Variants in PRCD observed in about 807,000 individuals in gnomAD.
The protein encoded by PRCD is photoreceptor disc component.
A neutral mutation model predicts 10.1 loss-of-function variants in PRCD; 12 were observed. That is an observed-to-expected ratio of 1.18 (90% CI 0.76 to 1.92). The LOEUF (loss-of-function observed/expected upper bound fraction) is 1.92. Among genes scored for constraint, PRCD ranks in the 40% most tolerant of loss-of-function variants. The pLI is 0.00. For missense variants in PRCD, 61 were observed against 72.2 expected (o/e 0.84, Z 0.56); for synonymous variants, 31 against 26.2 (o/e 1.18, Z -0.56).
rs189599263 is a variant in PRCD, at chr17:76,544,888, G to A, written c.*1238G>A. 4.1e-3 allele frequency: 1,894 copies of A among 456,766 alleles called. 53 individuals carry two copies. The Admixed American group carries it at 0.043, about 10-fold the overall frequency. The allele number at this position is 456,766 out of a possible 1,614,324, so 28.3% of individuals were successfully genotyped here. On this transcript the variant is annotated 3_prime_UTR_variant, in exon 5 of 5. Transcript: ENST00000592014. ...CCCAGACGCACTTCCCCAGGGCAGCGCCCCTCCACGCCACTGTTCCGAGAA... is the reference window on the plus strand; with the variant it reads ...CCCAGACGCACTTCCCCAGGGCAGCACCCCTCCACGCCACTGTTCCGAGAA...
chr17:76,550,819 A>C (rs760723727), intron 1 of PRCD: 1 of 152,238 alleles, frequency 6.6e-6, no homozygotes, highest in Non-Finnish European at 1.5e-5. Flanking sequence ...GAGTGTTCAA[A>C]GTATGTTGAA....
chr17:76,534,683 A>C (rs1045137755), intron 1 of PRCD, among the ~76,000 whole-genome samples: 3 of 152,198 alleles, frequency 2.0e-5, no homozygotes, highest in African/African-American at 4.8e-5. Flanking sequence ...TGGCAGTGCC[A>C]GGAAGGGGCC....
At chr17:76,537,603 G>T, upstream of PRCD, 1 of 1,048,504 alleles carries the variant, frequency 9.5e-7, no homozygotes, top group Non-Finnish European at 1.1e-6. Flanking sequence ...CGCGGGGCGC[G>T]GGGCGCGGGG....
downstream of PRCD, among the ~76,000 whole-genome samples, chr17:76,548,454 C>T (rs768130343): frequency 4.6e-5 from 7 of 152,218 alleles, no homozygotes; most frequent in Non-Finnish European, 8.8e-5. Context: ...GAGTGACACT[C>T]GAGGAGAGAC....
chr17:76,537,377 C>CGGCCG, upstream of PRCD: 1 of 1,574,052 alleles, frequency 6.4e-7, no homozygotes, highest in Non-Finnish European at 8.6e-7. Flanking sequence ...GCCCAGGGCC[C>CGGCCG]GGCCGGGCCG....
exon 2 of PRCD, chr17:76,553,560 C>T (rs1351926298): frequency 6.6e-6 from 1 of 152,196 alleles, no homozygotes; most frequent in East Asian, 1.9e-4. Context: ...TTAAAGATTG[C>T]TTTCTGGGTA....
chr17:76,537,448 G>A, upstream of PRCD: 1 of 1,598,372 alleles, frequency 6.3e-7, no homozygotes, highest in South Asian at 1.1e-5. Flanking sequence ...ATAGAGCCGG[G>A]CCCACATAGC....
At chr17:76,535,886 A>T (rs552164849), upstream of PRCD, among the ~76,000 whole-genome samples, 127 of 152,340 alleles carry the variant, frequency 8.3e-4, no homozygotes, top group East Asian at 1.5e-3. Flanking sequence ...CAAAACCTCC[A>T]AGGTCCTGAG....
rs1369024343 is a variant in PRCD at position 76,528,553 on chromosome 17, A to G, written n.45+720A>G. 2 of 1,218,814 alleles carry G rather than the reference A, an allele frequency of 1.6e-6. No individual in the cohort carries two copies. Among genetic ancestry groups the G allele is most frequent in the South Asian group, 3.0e-5 (1 of 33,452 alleles). 75.5% of individuals were successfully genotyped at this position (1,218,814 alleles called of 1,614,324 possible). The stretch of plus-strand genomic sequence containing the variant: ...TCGGCCTTCTGCTCGAGGTGCTGCC[A>G]GGGAGGGGGGTGGAGTTAGGGGTCC... On this transcript the variant is annotated intron_variant and non_coding_transcript_variant, in intron 1 of 4. Coordinates refer to the PRCD transcript ENST00000397633. This position sits in a 1 kb window ranked among gnomAD's most constrained non-coding sequence, Gnocchi z 5.8.
chr17:76,540,506 G>C lies in PRCD; in HGVS notation c.76G>C (p.Glu26Gln). 1 of 1,613,646 alleles carries C rather than the reference G, an allele frequency of 6.2e-7. No individual in the cohort carries two copies. The highest frequency in any genetic ancestry group is 8.5e-7 in the Non-Finnish European group (1 of 1,179,898). The change falls in exon 2 of 5, where the codon GAG becomes CAG. Residue 26 changes from glutamate to glutamine, a missense_variant and splice_region_variant. By Grantham distance (29) the Glu-to-Gln change is conservative. Coordinates refer to ENST00000592014, the MANE Select transcript of PRCD (RefSeq NM_001077620.3). The surrounding 1 kb of genome is among the most constrained non-coding windows in gnomAD (Gnocchi z 5.0). The stretch of plus-strand genomic sequence containing the variant: ...CCTCCCTACTCTTGCCTCCCACAGA[G>C]AGCCCAGCGACGTGGATGGGGCAGC... The part of the protein sequence containing the change: ...RRRFANRVQP[E>Q]PSDVDGAARG...
chr17:76,553,285 G>C (rs1390329969), exon 2 of PRCD: 1 of 152,200 alleles, frequency 6.6e-6, no homozygotes, highest in East Asian at 1.9e-4. Context: ...ACAATTTCCA[G>C]CAAAGGGAAT....
chr17:76,536,263 T>C (rs1424131721), upstream of PRCD, among the ~76,000 whole-genome samples: 1 of 152,170 alleles, frequency 6.6e-6, no homozygotes, highest in Non-Finnish European at 1.5e-5. Context: ...GGGCATATCA[T>C]GGTGGAGCTG....
At chr17:76,542,301 C>G (rs1195656782) in intron 2 of PRCD, among the ~76,000 whole-genome samples, 2 of 152,160 alleles carry the variant, frequency 1.3e-5, no homozygotes, top group Non-Finnish European at 2.9e-5. Flanking sequence ...TCCTTGGGAC[C>G]CAGTTAACTG....
rs768646733 is a variant in PRCD, at chr17:76,530,999, C to A, written n.45+3166C>A. ...CTCACGTGGTGGCGTTGGGGACCTG[C>A]TGCACCCAGCCCACTTCCTTGTAGG... On this transcript the variant is annotated intron_variant and non_coding_transcript_variant, in intron 1 of 4. Coordinates refer to the PRCD transcript ENST00000397633. This position sits in a 1 kb window ranked among gnomAD's most constrained non-coding sequence, Gnocchi z 6.1. 2.5e-6 allele frequency: 4 copies of A among 1,610,450 alleles called. No homozygotes were observed. In the South Asian group the frequency reaches 4.4e-5, roughly 18 times the overall value.
Position 76,544,124 on chromosome 17 carries a change from C to T in PRCD, c.*474C>T, listed in dbSNP as rs759089778. The stretch of plus-strand genomic sequence containing the variant: ...AGATAAAAGCAGATTTCCGCTTCTG[C>T]TCCCAGATCCAGGAGCAGACCCTGC... On this transcript the variant is annotated 3_prime_UTR_variant, in exon 5 of 5. Coordinates refer to ENST00000592014, the MANE Select transcript of PRCD (RefSeq NM_001077620.3). 1.5e-5 allele frequency: 7 copies of T among 454,498 alleles called. No homozygotes were observed. The highest frequency in any genetic ancestry group is 3.1e-5 in the Non-Finnish European group (7 of 226,938). 28.2% of individuals were successfully genotyped at this position (454,498 alleles called of 1,614,324 possible).
In PRCD at chr17:76,544,880, A is replaced by G. The variant is rs1360826030; in HGVS notation, c.*1230A>G. 2.2e-6 allele frequency: 1 copy of G among 456,646 alleles called. No individual in the cohort carries two copies. Among genetic ancestry groups the G allele is most frequent in the Non-Finnish European group, 4.4e-6 (1 of 226,992 alleles). The allele number at this position is 456,646 out of a possible 1,614,324, so 28.3% of individuals were successfully genotyped here. A position where few individuals can be genotyped will look rare whatever the true frequency, so the allele number is the denominator to read the frequency against. Reference sequence around the variant, plus strand: ...GCTCACGGCCCAGACGCACTTCCCCAGGGCAGCGCCCCTCCACGCCACTGT... The same window carrying G: ...GCTCACGGCCCAGACGCACTTCCCCGGGGCAGCGCCCCTCCACGCCACTGT... On this transcript the variant is annotated 3_prime_UTR_variant, in exon 5 of 5. Coordinates refer to ENST00000592014, the MANE Select transcript of PRCD (RefSeq NM_001077620.3).
At position 76,540,649 on chromosome 17, in the gene PRCD, G is replaced by A. The variant is rs1487409508; in HGVS notation, c.143+76G>A. Reference sequence around the variant, plus strand: ...TGGCTGTGCATGCCTGGGGGTGCACGTGTGTGCCTGTGCGCGCCTGTGCGT... The same window carrying A: ...TGGCTGTGCATGCCTGGGGGTGCACATGTGTGCCTGTGCGCGCCTGTGCGT... On this transcript the variant is annotated intron_variant, in intron 2 of 4. Transcript: ENST00000592014. This position sits in a 1 kb window ranked among gnomAD's most constrained non-coding sequence, Gnocchi z 5.0. 8 of 1,398,216 alleles carry A rather than the reference G, an allele frequency of 5.7e-6. No individual in the cohort carries two copies. Among genetic ancestry groups the A allele is most frequent in the East Asian group, 4.6e-5 (2 of 43,140 alleles). 86.6% of individuals were successfully genotyped at this position (1,398,216 alleles called of 1,614,324 possible). A position where few individuals can be genotyped will look rare whatever the true frequency, so the allele number is the denominator to read the frequency against.
chr17:76,545,156 C>T lies in PRCD; in HGVS notation c.*1506C>T. On this transcript the variant is annotated 3_prime_UTR_variant, in exon 5 of 5. Coordinates refer to ENST00000592014, the MANE Select transcript of PRCD (RefSeq NM_001077620.3). ...ACCCAGCCCACGCTCGCCTCTTATT[C>T]CCGGGGCCTCTCCCACCCCTGGGCT... 2 of 456,720 alleles carry T rather than the reference C, an allele frequency of 4.4e-6. No homozygotes were observed. The highest frequency in any genetic ancestry group is 8.8e-6 in the Non-Finnish European group (2 of 226,962). 28.3% of individuals were successfully genotyped at this position (456,720 alleles called of 1,614,324 possible). A position where few individuals can be genotyped will look rare whatever the true frequency, so the allele number is the denominator to read the frequency against.
chr17:76,545,986 A>G (rs575236765), downstream of PRCD: 112 of 155,708 alleles, frequency 7.2e-4, no homozygotes, highest in Admixed American at 2.1e-3. Context: ...CCTGTACTGG[A>G]GAAGACCACC....
Sources: gnomAD v4.1 joint callset for allele counts (sites outside exome capture counted in the v4.1 genomes callset) on GRCh38, gnomAD v4.1.1 for gene constraint, Gnocchi (gnomAD v3.1) non-coding constraint, MANE v1.5 for transcripts, NCBI Gene and HGNC (gene_info 2026-07-23, HGNC 2026-07-21) for gene names.